ST7: variants seen among roughly 807,000 people sequenced by gnomAD.
ST7 encodes the protein suppression of tumorigenicity 7.
ST7 carries 28 observed loss-of-function variants against 78.7 expected under a neutral mutation model. That is an observed-to-expected ratio of 0.36 (90% CI 0.26 to 0.49). The LOEUF (loss-of-function observed/expected upper bound fraction) is 0.49, where lower values mean the gene tolerates loss of function less well. Ranked by LOEUF, ST7 falls within the 20% of genes least tolerant of loss-of-function variation. The probability of loss-of-function intolerance (pLI) is 0.99; values close to 1 mark genes in which losing one functional copy is unlikely to be tolerated. For missense variants in ST7, 418 were observed against 696.0 expected (o/e 0.60, Z 4.49); for synonymous variants, 247 against 249.6 (o/e 0.99, Z 0.10).
At chr7:116,981,861 A>T (rs1793975457) in intron 1 of ST7, among the ~76,000 whole-genome samples, 1 of 152,214 alleles carries the variant, frequency 6.6e-6, no homozygotes, top group Non-Finnish European at 1.5e-5. Context: ...TATGTGCTAT[A>T]CTTTATTTAA....
chr7:117,222,763 T>A (rs2116188812), intron 15 of ST7: 2 of 923,134 alleles, frequency 2.2e-6, no homozygotes, highest in Non-Finnish European at 3.6e-6. Context: ...AGGAAAACAG[T>A]ATCAATTGTT....
intron 10 of ST7, among the ~76,000 whole-genome samples, chr7:117,177,164 T>C (rs748063614): frequency 5.9e-5 from 9 of 152,228 alleles, no homozygotes; most frequent in Middle Eastern, 3.4e-3. Context: ...CACCAAGAGG[T>C]AGATCTGCCA....
At chr7:117,166,940 G>A (rs1807603069) in intron 9 of ST7, among the ~76,000 whole-genome samples, 1 of 151,816 alleles carries the variant, frequency 6.6e-6, no homozygotes, top group Admixed American at 6.6e-5. Flanking sequence ...ATTGGAAAGA[G>A]GTGATTGGAG....
At chr7:116,973,300 C>G (rs939938282) in intron 1 of ST7, among the ~76,000 whole-genome samples, 1 of 152,280 alleles carries the variant, frequency 6.6e-6, no homozygotes, top group East Asian at 1.9e-4. Context: ...TGCTATCACC[C>G]AGGCTGGAGT....
At chr7:116,978,241 A>G (rs1009868246) in intron 1 of ST7, among the ~76,000 whole-genome samples, 1 of 152,220 alleles carries the variant, frequency 6.6e-6, no homozygotes, top group African/African-American at 2.4e-5. Flanking sequence ...CTCTTACCAG[A>G]TAAGAAAGAA....
At chr7:117,045,262 C>T (rs978839706) in intron 1 of ST7, among the ~76,000 whole-genome samples, 1 of 152,074 alleles carries the variant, frequency 6.6e-6, no homozygotes, top group Non-Finnish European at 1.5e-5. Context: ...TTAAACCCTC[C>T]AGTAGTTTTC....
At chr7:117,090,011 T>C (rs982884675) in intron 1 of ST7, among the ~76,000 whole-genome samples, 2 of 152,224 alleles carry the variant, frequency 1.3e-5, no homozygotes, top group Non-Finnish European at 2.9e-5. Context: ...ATGTAATGCA[T>C]TTTGGAAAGA....
chr7:116,963,029 C>T (rs1244722426), intron 1 of ST7, among the ~76,000 whole-genome samples: 2 of 152,146 alleles, frequency 1.3e-5, no homozygotes. Context: ...AAATCTGAGG[C>T]ATTATAGTAG....
chr7:117,097,908 A>ATATATATATATATATATATATATTT, intron 1 of ST7, among the ~76,000 whole-genome samples: 1 of 30,018 alleles, frequency 3.3e-5, no homozygotes, highest in Non-Finnish European at 5.4e-5. Flanking sequence ...ATATATATAT[A>ATATATATATATATATATATATATTT]TTTTTTTTTT....
intron 1 of ST7, among the ~76,000 whole-genome samples, chr7:117,071,772 A>G (rs1798976409): frequency 6.6e-6 from 1 of 152,198 alleles, no homozygotes; most frequent in African/African-American, 2.4e-5. Context: ...TGTTCTCCAG[A>G]TGTCATTAGT....
intron 9 of ST7, among the ~76,000 whole-genome samples, chr7:117,155,693 T>C (rs1806638212): frequency 6.6e-6 from 1 of 152,360 alleles, no homozygotes; most frequent in Middle Eastern, 3.4e-3. Flanking sequence ...CTACTCTTAA[T>C]TCTATCTCCA....
intron 12 of ST7, among the ~76,000 whole-genome samples, chr7:117,199,697 C>T (rs1410944881): frequency 1.3e-5 from 2 of 152,210 alleles, no homozygotes; most frequent in East Asian, 3.8e-4. Flanking sequence ...GCCACTGGGA[C>T]GCTGGTCAGA....
At chr7:117,229,676 A>T (rs1200055412) in intron 15 of ST7, 86 bp from the exon 16 acceptor site, 1 of 1,082,080 alleles carries the variant, frequency 9.2e-7, no homozygotes, top group East Asian at 2.4e-5. Context: ...GCAGAGACTT[A>T]AGCTGCAAGC....
At chr7:117,054,573 G>C (rs1797967036) in intron 1 of ST7, among the ~76,000 whole-genome samples, 1 of 152,182 alleles carries the variant, frequency 6.6e-6, no homozygotes, top group African/African-American at 2.4e-5. Flanking sequence ...TTCTGCCTTT[G>C]TTAGGCCATT....
chr7:117,164,788 G>A (rs1290201083), intron 9 of ST7, among the ~76,000 whole-genome samples: 1 of 132,238 alleles, frequency 7.6e-6, no homozygotes, highest in Non-Finnish European at 1.5e-5. Context: ...GACTGGGTTT[G>A]AATCATAATC....
At chr7:117,119,842 A>G in intron 3 of ST7, 122 bp downstream of exon 3, 2 of 1,192,158 alleles carry the variant, frequency 1.7e-6, no homozygotes, top group Non-Finnish European at 2.3e-6. Context: ...AAAAATGCAG[A>G]TCATTTTCCC....
chr7:117,017,248 G>C (rs2115981657), intron 1 of ST7, among the ~76,000 whole-genome samples: 1 of 152,188 alleles, frequency 6.6e-6, no homozygotes, highest in East Asian at 1.9e-4. Flanking sequence ...TCACGTGTTT[G>C]TTTCTCTGTC....
At chr7:116,983,893 T>G (rs1794076312) in intron 1 of ST7, among the ~76,000 whole-genome samples, 1 of 152,216 alleles carries the variant, frequency 6.6e-6, no homozygotes, top group Non-Finnish European at 1.5e-5. Context: ...ACTACATACT[T>G]AAAGTTTTTG....
chr7:117,093,721 A>T, intron 1 of ST7, among the ~76,000 whole-genome samples: 1 of 151,984 alleles, frequency 6.6e-6, no homozygotes, highest in East Asian at 1.9e-4. Flanking sequence ...CAACAACAAC[A>T]AAAAAAATCA....
Sources: allele counts gnomAD v4.1 joint callset (sites outside exome capture counted in the v4.1 genomes callset), GRCh38; gene constraint gnomAD v4.1.1; transcripts MANE v1.5; gene names NCBI Gene and HGNC (gene_info 2026-07-23, HGNC 2026-07-21).